CTNNA2: variants seen among roughly 807,000 people sequenced by gnomAD.
CTNNA2 encodes catenin alpha-2.
A neutral mutation model predicts 101.0 loss-of-function variants in CTNNA2; 42 were observed. The ratio of observed to expected loss-of-function variants is 0.42; its 90% CI spans 0.32 to 0.54. The LOEUF is 0.54. Ranked by LOEUF, CTNNA2 falls within the 20% of genes least tolerant of loss-of-function variation. CTNNA2 has a pLI of 0.14. For missense variants in CTNNA2, 871 were observed against 1,223.1 expected, an observed-to-expected ratio of 0.71 and a Z score of 4.29; for synonymous variants, 450 against 456.4, an observed-to-expected ratio of 0.99 and a Z score of 0.18.
intron 9 of CTNNA2, among the ~76,000 whole-genome samples, chr2:80,433,846 TTA>T (rs1462017814): frequency 6.6e-6 from 1 of 152,190 alleles, no homozygotes; most frequent in Admixed American, 6.5e-5. Context: ...TTATTGACCA[TTA>T]TTTCTCCTGA....
chr2:80,218,398 A>T (rs1169529913), intron 7 of CTNNA2, among the ~76,000 whole-genome samples: 3 of 152,266 alleles, frequency 2.0e-5, no homozygotes, highest in Non-Finnish European at 4.4e-5. Context: ...ACAGCAGTTT[A>T]TGGATTCATG....
rs183793282 is a variant in CTNNA2, at chr2:80,028,538, G to A, written c.1056+118741G>A. 3.3e-5 allele frequency among the ~76,000 whole-genome samples: 5 copies of A among 152,292 alleles called. No homozygotes were observed. The East Asian group carries it at 7.7e-4, about 24-fold the overall frequency. On this transcript the variant is annotated intron_variant, in intron 7 of 18. Transcript: ENST00000402739. ...TCAGATGCAGTTCTGGCTAGGAGAG[G>A]CCGAATAATGGCCCCTCAAATATGC...
At chr2:79,270,341 G>A (rs1675051589) in intron 2 of CTNNA2, among the ~76,000 whole-genome samples, 1 of 151,960 alleles carries the variant, frequency 6.6e-6, no homozygotes, top group Non-Finnish European at 1.5e-5. Flanking sequence ...TTCTCTTTTT[G>A]GTCCTTTTTT....
At position 79,570,384 on chromosome 2, in the gene CTNNA2, TATATGATGAA is replaced by T. The variant is rs1257071037; in HGVS notation, c.-6+57182_-6+57191del. Among the ~76,000 whole-genome samples, 10 of 152,278 alleles carry T rather than the reference TATATGATGAA, an allele frequency of 6.6e-5. No individual in the cohort carries two copies. In the East Asian group the frequency reaches 1.7e-3, roughly 26 times the overall value. Reference sequence around the variant, plus strand: ...TTTTTTTCTTTAAACATTTCTGGGATATATGATGAAATATTCTTGATGGACCCTTTGTAAA... The same window carrying T: ...TTTTTTTCTTTAAACATTTCTGGGATATATTCTTGATGGACCCTTTGTAAA... On this transcript the variant is annotated intron_variant, in intron 1 of 18. Coordinates refer to ENST00000402739, the MANE Select transcript of CTNNA2 (RefSeq NM_001282597.3).
intron 4 of CTNNA2, among the ~76,000 whole-genome samples, chr2:79,426,422 A>G (rs1169684837): frequency 6.6e-6 from 1 of 152,122 alleles, no homozygotes; most frequent in East Asian, 1.9e-4. Flanking sequence ...AACAATTTAT[A>G]TGGTTACATT....
chr2:80,013,378 A>T (rs1421838364), intron 7 of CTNNA2, among the ~76,000 whole-genome samples: 1 of 152,162 alleles, frequency 6.6e-6, no homozygotes, highest in Non-Finnish European at 1.5e-5. Flanking sequence ...AGGGGAGGAG[A>T]AAAGAGGAGT....
At chr2:80,563,609 C>T (rs1248218494) in intron 12 of CTNNA2, among the ~76,000 whole-genome samples, 1 of 152,118 alleles carries the variant, frequency 6.6e-6, no homozygotes, top group African/African-American at 2.4e-5. Context: ...CTCCTAGCCT[C>T]ATGTGATTCT....
chr2:79,765,749 T>C (rs1673107521), intron 3 of CTNNA2, among the ~76,000 whole-genome samples: 1 of 152,212 alleles, frequency 6.6e-6, no homozygotes, highest in Non-Finnish European at 1.5e-5. Flanking sequence ...CCAGAAAGGC[T>C]TGTGAATTTT....
chr2:80,341,960 C>T (rs1001894361), intron 7 of CTNNA2, among the ~76,000 whole-genome samples: 1 of 152,142 alleles, frequency 6.6e-6, no homozygotes, highest in Non-Finnish European at 1.5e-5. Flanking sequence ...ATGCATGCTA[C>T]AACATAGACG....
chr2:80,344,634 G>A (rs76717607), intron 7 of CTNNA2, among the ~76,000 whole-genome samples: 5,072 of 152,146 alleles, frequency 0.033, 185 homozygotes, highest in African/African-American at 0.09. Context: ...ATGGCCCTGC[G>A]CCACCACGCC....
chr2:79,840,575 C>T (rs146494807), intron 3 of CTNNA2, among the ~76,000 whole-genome samples: 1 of 152,248 alleles, frequency 6.6e-6, no homozygotes, highest in East Asian at 1.9e-4. Flanking sequence ...TCTCATCTTA[C>T]CTTTAAAATG....
intron 4 of CTNNA2, among the ~76,000 whole-genome samples, chr2:79,441,412 G>T (rs1256742320): frequency 6.6e-6 from 1 of 151,946 alleles, no homozygotes; most frequent in Non-Finnish European, 1.5e-5. Flanking sequence ...ACTCCTAATT[G>T]CCTCCTCTCT....
At chr2:79,434,295 CAA>C (rs367927495) in intron 4 of CTNNA2, among the ~76,000 whole-genome samples, 34,127 of 94,530 alleles carry the variant, frequency 0.36, 3,573 homozygotes, top group South Asian at 0.48. Flanking sequence ...GAGACTCTGT[CAA>C]AAAAAAAAAA....
At chr2:80,207,660 T>G (rs975082500) in intron 7 of CTNNA2, among the ~76,000 whole-genome samples, 2 of 151,986 alleles carry the variant, frequency 1.3e-5, no homozygotes, top group Admixed American at 6.6e-5. Flanking sequence ...ACAAGTTGAG[T>G]TTGAGGGCAT....
rs377507074 is a variant in CTNNA2, at chr2:80,412,504, C to G, written c.1138-6945C>G. ...GCCAAAGAAATGAATTGAAATGGCA[C>G]CAAACTAGTCCACTAATTGATCAGA... On this transcript the variant is annotated intron_variant, in intron 8 of 18. Transcript: ENST00000402739. Among the ~76,000 whole-genome samples, 43 of 152,288 alleles carry G rather than the reference C, an allele frequency of 2.8e-4. No individual in the cohort carries two copies. In the East Asian group the frequency reaches 4.6e-3, roughly 16 times the overall value.
intron 4 of CTNNA2, among the ~76,000 whole-genome samples, chr2:79,407,867 A>G (rs1678357409): frequency 6.6e-6 from 1 of 152,026 alleles, no homozygotes; most frequent in Admixed American, 6.6e-5. Context: ...GTATGCCAAA[A>G]CATGTATGTG....
chr2:79,215,482 G>C (rs1674243012), intron 2 of CTNNA2, among the ~76,000 whole-genome samples: 1 of 152,160 alleles, frequency 6.6e-6, no homozygotes, highest in Admixed American at 6.5e-5. Flanking sequence ...CCTGTTGTGG[G>C]GTTTGAGGGC....
At chr2:79,353,999 C>G (rs1677450166) in intron 3 of CTNNA2, among the ~76,000 whole-genome samples, 1 of 151,876 alleles carries the variant, frequency 6.6e-6, no homozygotes, top group South Asian at 2.1e-4. Context: ...AAAAATAGTC[C>G]CCCAGTCTAT....
chr2:79,654,980 T>C (rs921351199), intron 2 of CTNNA2, among the ~76,000 whole-genome samples: 21 of 152,218 alleles, frequency 1.4e-4, no homozygotes, highest in Non-Finnish European at 2.5e-4. Context: ...CTGCTGAACC[T>C]AAATATAAAA....
Sources: allele counts gnomAD v4.1 joint callset (sites outside exome capture counted in the v4.1 genomes callset), GRCh38; gene constraint gnomAD v4.1.1; transcripts MANE v1.5; gene names NCBI Gene and HGNC (gene_info 2026-07-23, HGNC 2026-07-21).